The following PTGER3 variants were observed in gnomAD, a reference collection of about 807,000 sequenced individuals.
The protein encoded by PTGER3 is prostaglandin E receptor 3, also known as prostaglandin E2 receptor EP3 subtype.
PTGER3 carries 22 observed loss-of-function variants against 34.7 expected under a neutral mutation model. The observed-to-expected ratio is 0.63, with a 90% CI of 0.45 to 0.91. The LOEUF is 0.91. Ranked by LOEUF, PTGER3 falls within the 40% of genes least tolerant of loss-of-function variation. The pLI, the probability that PTGER3 is intolerant of heterozygous loss-of-function variation, is 0.00. For missense variants in PTGER3, 468 were observed against 519.4 expected, an observed-to-expected ratio of 0.90 and a Z score of 0.96; for synonymous variants, 241 against 230.1, an observed-to-expected ratio of 1.05 and a Z score of -0.43.
At chr1:70,883,553 A>G (rs1646436612) in intron 4 of PTGER3, among the ~76,000 whole-genome samples, 1 of 152,204 alleles carries the variant, frequency 6.6e-6, no homozygotes, top group Non-Finnish European at 1.5e-5. Context: ...AAATGTTACA[A>G]GTAAGATTTT....
At chr1:71,027,875 T>C (rs1246316021) in intron 1 of PTGER3, among the ~76,000 whole-genome samples, 1 of 152,226 alleles carries the variant, frequency 6.6e-6, no homozygotes, top group Non-Finnish European at 1.5e-5. Context: ...AACTCTGCTG[T>C]GTAGTTTACA....
intron 4 of PTGER3, among the ~76,000 whole-genome samples, chr1:70,857,598 T>C (rs537645826): frequency 6.6e-6 from 1 of 151,990 alleles, no homozygotes; most frequent in Non-Finnish European, 1.5e-5. Context: ...TGCAGTGGCA[T>C]GATCTCGGCT....
At position 71,011,474 on chromosome 1, in the gene PTGER3, G is replaced by T. The variant is rs770641748; in HGVS notation, c.1077+831C>A. ...ATAGCATTCTGAAAAACCACTTCAC[G>T]ACTCTCATAGGTCAGTTTCATGAAT... On this transcript the variant is annotated intron_variant, in intron 2 of 3. Transcript: ENST00000306666. 5 of 985,106 alleles carry T rather than the reference G, an allele frequency of 5.1e-6. No individual in the cohort carries two copies. The East Asian group carries it at 4.5e-4, about 90-fold the overall frequency. 61.0% of individuals were successfully genotyped at this position (985,106 alleles called of 1,614,324 possible).
downstream of PTGER3, among the ~76,000 whole-genome samples, chr1:70,950,459 C>T (rs989545559): frequency 2.6e-5 from 4 of 152,084 alleles, no homozygotes; most frequent in Non-Finnish European, 4.4e-5. Context: ...ACAAGTTCCT[C>T]ATAAGTAAAT....
chr1:71,022,688 T>TAC (rs1553177799), intron 1 of PTGER3, among the ~76,000 whole-genome samples: 3 of 151,172 alleles, frequency 2.0e-5, no homozygotes, highest in Non-Finnish European at 2.9e-5. Context: ...CTCTAGTCAG[T>TAC]GCTCTCTCTC....
At position 70,918,774 on chromosome 1, in the gene PTGER3, C is replaced by G. The variant is rs367939553; in HGVS notation, c.*23+34989G>C. On this transcript the variant is annotated intron_variant, in intron 4 of 4. Coordinates refer to the PTGER3 transcript ENST00000370931. The stretch of plus-strand genomic sequence containing the variant: ...TTGAATTTTGAACATGAACAAATAG[C>G]TTTCCAATTTGTGATGTACTTCTAT... 5.5e-4 allele frequency among the ~76,000 whole-genome samples: 84 copies of G among 152,086 alleles called. 1 individual carries two copies. The highest frequency in any genetic ancestry group is 2.0e-3 in the African/African-American group (81 of 41,524).
At position 70,939,280 on chromosome 1, in the gene PTGER3, C is replaced by T. The variant is rs536601381; in HGVS notation, c.*23+14483G>A. On this transcript the variant is annotated intron_variant, in intron 4 of 4. Transcript: ENST00000370931. ...GTTCCCATGGTCTTGGGCAGCTCCA[C>T]TTCTGTGGCTTTACAGGGTACAGCC... Among the ~76,000 whole-genome samples the T allele has an allele frequency of 1.7e-4, 26 of 152,350 alleles. No homozygotes were observed. The South Asian group carries it at 5.2e-3, about 30-fold the overall frequency.
At chr1:71,000,768 G>A (rs1048502580) in intron 2 of PTGER3, among the ~76,000 whole-genome samples, 2 of 152,104 alleles carry the variant, frequency 1.3e-5, no homozygotes, top group Non-Finnish European at 2.9e-5. Context: ...TGATGAGTTC[G>A]TAACTCTAGA....
chr1:70,967,089 TA>T (rs535544655), downstream of PTGER3, among the ~76,000 whole-genome samples: 2 of 151,944 alleles, frequency 1.3e-5, no homozygotes, highest in East Asian at 1.9e-4. Context: ...CATGCCATGT[TA>T]AAAAAAATAC....
chr1:70,971,966 C>G (rs939015241), intron 3 of PTGER3, among the ~76,000 whole-genome samples: 1 of 152,046 alleles, frequency 6.6e-6, no homozygotes, highest in African/African-American at 2.4e-5. Flanking sequence ...GTATATAACT[C>G]TAGTCTAAAA....
intron 4 of PTGER3, among the ~76,000 whole-genome samples, chr1:70,871,792 T>G (rs1227101906): frequency 2.0e-5 from 3 of 152,206 alleles, no homozygotes; most frequent in Non-Finnish European, 4.4e-5. Flanking sequence ...TTGCAATTTT[T>G]TTTTAATCTT....
chr1:71,043,210 G>A (rs1660465365), intron 1 of PTGER3, among the ~76,000 whole-genome samples: 1 of 152,156 alleles, frequency 6.6e-6, no homozygotes, highest in South Asian at 2.1e-4. Flanking sequence ...TTGCATTGCT[G>A]GATGAACTGG....
intron 4 of PTGER3, among the ~76,000 whole-genome samples, chr1:70,913,751 T>C (rs903602544): frequency 2.0e-5 from 3 of 151,962 alleles, no homozygotes; most frequent in African/African-American, 7.2e-5. Flanking sequence ...TGGTTTTTCT[T>C]CTTGAGTCTG....
intron 2 of PTGER3, among the ~76,000 whole-genome samples, chr1:70,987,177 C>G (rs1041012597): frequency 1.3e-5 from 2 of 152,054 alleles, no homozygotes; most frequent in Non-Finnish European, 1.5e-5. Flanking sequence ...TGAATGTGAG[C>G]CTTTTCTTTT....
chr1:70,905,025 C>T (rs1285445268), intron 4 of PTGER3, among the ~76,000 whole-genome samples: 2 of 152,122 alleles, frequency 1.3e-5, no homozygotes, highest in Non-Finnish European at 2.9e-5. Flanking sequence ...TGCCCTGTGT[C>T]TCAGCTGCTC....
At chr1:70,931,861 A>T (rs757631089) in intron 4 of PTGER3, among the ~76,000 whole-genome samples, 6 of 152,140 alleles carry the variant, frequency 3.9e-5, no homozygotes, top group Non-Finnish European at 8.8e-5. Context: ...TGTCTTGGGG[A>T]TTAACATTCA....
At chr1:70,852,966 G>C in intron 4 of PTGER3, 1 of 1,273,518 alleles carries the variant, frequency 7.9e-7, no homozygotes, top group Non-Finnish European at 1.1e-6. Context: ...ATTATGAACA[G>C]GAATGGTAAA....
At chr1:70,855,035 C>T (rs1645769352) in intron 4 of PTGER3, among the ~76,000 whole-genome samples, 1 of 152,144 alleles carries the variant, frequency 6.6e-6, no homozygotes, top group Non-Finnish European at 1.5e-5. Context: ...ATGTTCATTA[C>T]AGCATTATTC....
intron 4 of PTGER3, among the ~76,000 whole-genome samples, chr1:70,881,416 G>A (rs553305145): frequency 3.2e-4 from 48 of 152,180 alleles, no homozygotes; most frequent in Admixed American, 2.9e-3. Flanking sequence ...TGACATTTTG[G>A]TCATTGCAGC....
Sources: allele counts gnomAD v4.1 joint callset (sites outside exome capture counted in the v4.1 genomes callset), GRCh38; gene constraint gnomAD v4.1.1; transcripts MANE v1.5; gene names NCBI Gene and HGNC (gene_info 2026-07-23, HGNC 2026-07-21).